The following RPH3A variants were observed in gnomAD, a reference collection of about 807,000 sequenced individuals.
RPH3A encodes rabphilin-3A.
A neutral mutation model predicts 102.2 loss-of-function variants in RPH3A; 48 were observed. That is an observed-to-expected ratio of 0.47 (90% CI 0.37 to 0.60). The LOEUF (loss-of-function observed/expected upper bound fraction) is 0.60. Among genes scored for constraint, RPH3A ranks in the 20% least tolerant of loss-of-function variants. RPH3A has a pLI of 0.00. For missense variants in RPH3A, 781 were observed against 910.1 expected (o/e 0.86, Z 1.83); for synonymous variants, 310 against 324.3 (o/e 0.96, Z 0.47).
chr12:112,587,409 A>G (rs1434211715), intron 1 of RPH3A, among the ~76,000 whole-genome samples: 1 of 152,226 alleles, frequency 6.6e-6, no homozygotes, highest in African/African-American at 2.4e-5. Flanking sequence ...ACTTGGATTG[A>G]AATCTGAATT....
chr12:112,783,961 A>T (rs1004659483), intron 1 of RPH3A, among the ~76,000 whole-genome samples: 6 of 152,168 alleles, frequency 3.9e-5, no homozygotes, highest in African/African-American at 9.7e-5. Context: ...GGAAAAGCAA[A>T]CTAGGGGCTT....
In RPH3A at chr12:112,616,830, A is replaced by G. The variant is rs147563394; in HGVS notation, c.-140+41511A>G. Among the ~76,000 whole-genome samples the G allele has an allele frequency of 1.5e-3, 225 of 152,354 alleles. 1 individual carries two copies. The highest frequency in any genetic ancestry group is 5.1e-3 in the African/African-American group (212 of 41,590). ...AAACCAGTGGCCAAATGCTGATCCA[A>G]CAGCTGAAATTTGGGAGCCTGCAGC... On this transcript the variant is annotated intron_variant, in intron 1 of 21. Coordinates refer to the RPH3A transcript ENST00000543106.
chr12:112,677,179 C>G (rs2040181241), intron 1 of RPH3A, among the ~76,000 whole-genome samples: 1 of 152,174 alleles, frequency 6.6e-6, no homozygotes, highest in African/African-American at 2.4e-5. Flanking sequence ...CACATCAAAG[C>G]CCTCTTGTGG....
chr12:112,612,391 C>T (rs1377663194), intron 1 of RPH3A, among the ~76,000 whole-genome samples: 2 of 152,048 alleles, frequency 1.3e-5, no homozygotes, highest in African/African-American at 4.8e-5. Context: ...GGGTAGAAAA[C>T]TTGCAATGGT....
chr12:112,894,364 T>G, intron 19 of RPH3A: 1 of 553,796 alleles, frequency 1.8e-6, no homozygotes, highest in Non-Finnish European at 3.1e-6. Flanking sequence ...GTGGTTCTAC[T>G]GCCTAGGGTC....
chr12:112,837,535 C>T (rs1376504492), intron 4 of RPH3A, among the ~76,000 whole-genome samples: 2 of 152,126 alleles, frequency 1.3e-5, no homozygotes, highest in Non-Finnish European at 2.9e-5. Flanking sequence ...TTCTCCCTGC[C>T]CTGTGCCTCA....
intron 20 of RPH3A, 34 bp from the exon 21 acceptor site, chr12:112,895,743 C>T (rs1210597723): frequency 1.3e-6 from 2 of 1,482,854 alleles, no homozygotes; most frequent in Non-Finnish European, 1.9e-6. Context: ...GTTCAGAGGG[C>T]TCTTACCCAC....
intron 1 of RPH3A, among the ~76,000 whole-genome samples, chr12:112,681,483 T>C (rs2040225624): frequency 6.6e-6 from 1 of 152,234 alleles, no homozygotes; most frequent in Non-Finnish European, 1.5e-5. Flanking sequence ...CTGAGAGGTT[T>C]AGGCAGGAGA....
At chr12:112,817,633 C>A (rs2041700765) in intron 2 of RPH3A, among the ~76,000 whole-genome samples, 1 of 151,668 alleles carries the variant, frequency 6.6e-6, no homozygotes, top group African/African-American at 2.4e-5. Flanking sequence ...TTAATTAATG[C>A]CAGCTCTCTC....
At chr12:112,735,777 T>C (rs1299937501) in intron 1 of RPH3A, among the ~76,000 whole-genome samples, 1 of 152,244 alleles carries the variant, frequency 6.6e-6, no homozygotes, top group Non-Finnish European at 1.5e-5. Context: ...TCTTCAGTTC[T>C]GACCTGCTCA....
At chr12:112,603,715 ATC>A (rs1267257009) in intron 1 of RPH3A, among the ~76,000 whole-genome samples, 2 of 152,160 alleles carry the variant, frequency 1.3e-5, no homozygotes, top group Non-Finnish European at 2.9e-5. Context: ...AACATTATGA[ATC>A]TGTTCTCTTA....
chr12:112,874,828 G>C, intron 10 of RPH3A: 1 of 461,018 alleles, frequency 2.2e-6, no homozygotes, highest in South Asian at 3.1e-5. Context: ...CTTGAGCAAC[G>C]TCACACAGGT....
At chr12:112,726,491 CT>C (rs2040591796) in intron 1 of RPH3A, among the ~76,000 whole-genome samples, 1 of 152,162 alleles carries the variant, frequency 6.6e-6, no homozygotes, top group African/African-American at 2.4e-5. Flanking sequence ...GTATTCACCC[CT>C]CTCTAATGAT....
intron 1 of RPH3A, among the ~76,000 whole-genome samples, chr12:112,666,981 G>C (rs1335453144): frequency 6.6e-6 from 1 of 152,144 alleles, no homozygotes; most frequent in East Asian, 1.9e-4. Context: ...GGCTTCCAAG[G>C]CTCTTAAAAT....
chr12:112,737,835 C>A (rs2040680441), intron 1 of RPH3A, among the ~76,000 whole-genome samples: 1 of 152,208 alleles, frequency 6.6e-6, no homozygotes, highest in African/African-American at 2.4e-5. Context: ...TTGTCCATGA[C>A]CGGTGCTGGT....
chr12:112,868,043 G>T (rs1172278039), intron 7 of RPH3A: 1 of 175,120 alleles, frequency 5.7e-6, no homozygotes, highest in Non-Finnish European at 1.2e-5. Context: ...TCTTGGGGAA[G>T]TTGTAGGTAG....
chr12:112,825,464 C>A (rs1198156140), intron 2 of RPH3A, among the ~76,000 whole-genome samples: 1 of 152,054 alleles, frequency 6.6e-6, no homozygotes, highest in African/African-American at 2.4e-5. Flanking sequence ...AATCAGGACC[C>A]CCTAGACACG....
intron 1 of RPH3A, among the ~76,000 whole-genome samples, chr12:112,739,971 T>A (rs1333043460): frequency 1.3e-5 from 2 of 152,160 alleles, no homozygotes; most frequent in African/African-American, 2.4e-5. Context: ...TAGTAACCAC[T>A]TTCTGCTGTT....
intron 1 of RPH3A, among the ~76,000 whole-genome samples, chr12:112,599,192 G>A (rs947337587): frequency 6.6e-6 from 1 of 152,138 alleles, no homozygotes; most frequent in South Asian, 2.1e-4. Flanking sequence ...GTTAACTTTC[G>A]ATTCATGTGG....
Sources: allele counts gnomAD v4.1 joint callset (sites outside exome capture counted in the v4.1 genomes callset), GRCh38; gene constraint gnomAD v4.1.1; transcripts MANE v1.5; gene names NCBI Gene and HGNC (gene_info 2026-07-23, HGNC 2026-07-21).